Variants in CACNG3 observed in about 807,000 individuals in gnomAD.
CACNG3 encodes voltage-dependent calcium channel gamma-3 subunit.
Under a neutral mutation model 28.5 loss-of-function variants are expected in CACNG3, and 3 were observed. That is an observed-to-expected ratio of 0.11 (90% CI 0.05 to 0.27). CACNG3 has a LOEUF of 0.27. Among genes scored for constraint, CACNG3 ranks in the 10% least tolerant of loss-of-function variants. The pLI is 1.00. For missense variants in CACNG3, 236 were observed against 414.4 expected (o/e 0.57, Z 3.74); for synonymous variants, 174 against 162.2 (o/e 1.07, Z -0.55).
intron 1 of CACNG3, among the ~76,000 whole-genome samples, chr16:24,267,700 C>T (rs139547098): frequency 1.8e-4 from 28 of 152,000 alleles, no homozygotes; most frequent in African/African-American, 5.5e-4. Flanking sequence ...GGCAGAGTCT[C>T]GCTCTGTTGC....
intron 1 of CACNG3, among the ~76,000 whole-genome samples, chr16:24,264,986 C>T (rs931838653): frequency 6.6e-6 from 1 of 152,184 alleles, no homozygotes; most frequent in Non-Finnish European, 1.5e-5. Context: ...CATCTGTAAT[C>T]CCAGCACTTT....
intron 1 of CACNG3, among the ~76,000 whole-genome samples, chr16:24,290,178 T>A (rs1898948150): frequency 6.6e-6 from 1 of 152,254 alleles, no homozygotes; most frequent in Non-Finnish European, 1.5e-5. Context: ...CTTTTATTTA[T>A]TTGTTTTTTT....
At chr16:24,280,542 G>A (rs553041892) in intron 1 of CACNG3, among the ~76,000 whole-genome samples, 27 of 152,246 alleles carry the variant, frequency 1.8e-4, no homozygotes, top group Non-Finnish European at 3.2e-4. Flanking sequence ...CCAGCCAGGC[G>A]CAGTGGCTCA....
At chr16:24,335,689 G>C (rs1371585544) in intron 1 of CACNG3, among the ~76,000 whole-genome samples, 1 of 152,130 alleles carries the variant, frequency 6.6e-6, no homozygotes, top group Non-Finnish European at 1.5e-5. Context: ...AATAGTGCCT[G>C]CTTCATGGGA....
At chr16:24,258,578 T>C (rs1460167801) in intron 1 of CACNG3, among the ~76,000 whole-genome samples, 2 of 152,212 alleles carry the variant, frequency 1.3e-5, no homozygotes, top group Non-Finnish European at 2.9e-5. Context: ...TCCTAAACAA[T>C]GACAAAAGTT....
At chr16:24,346,842 T>C in intron 2 of CACNG3, 25 bp downstream of exon 2, 1 of 1,589,970 alleles carries the variant, frequency 6.3e-7, no homozygotes, top group Non-Finnish European at 8.6e-7. Context: ...TTCTCGGGTC[T>C]CTCTGGGAGG....
intron 2 of CACNG3, among the ~76,000 whole-genome samples, chr16:24,350,362 T>C (rs1387560023): frequency 3.9e-5 from 6 of 151,990 alleles, no homozygotes. Flanking sequence ...TCATTCAGGC[T>C]GGAGTACAGT....
chr16:24,323,239 A>AAGAG lies in CACNG3; in HGVS notation c.212-23485_212-23482dup, dbSNP rs35498529. On this transcript the variant is annotated intron_variant, in intron 1 of 3. Transcript: ENST00000005284. ...GGACTCAAAAAAAAAAAAAAAAAAAAAGAGAGAGAGAGAAAGAGAGAGATG... is the reference window on the plus strand; with the variant it reads ...GGACTCAAAAAAAAAAAAAAAAAAAAAGAGAGAGAGAGAGAGAAAGAGAGAGATG... Among the ~76,000 whole-genome samples the AAGAG allele has an allele frequency of 4.5e-4, 65 of 143,072 alleles. 1 individual carries two copies. Among genetic ancestry groups the AAGAG allele is most frequent in the East Asian group, 8.2e-4 (4 of 4,850 alleles). 93.9% of individuals were successfully genotyped at this position (143,072 alleles called of 152,430 possible).
At chr16:24,344,928 C>T (rs536004704) in intron 1 of CACNG3, among the ~76,000 whole-genome samples, 16 of 152,216 alleles carry the variant, frequency 1.1e-4, no homozygotes, top group African/African-American at 3.1e-4. Flanking sequence ...AAATCAATTC[C>T]GTCACTCACC....
At chr16:24,262,044 C>G (rs555116479) in intron 1 of CACNG3, among the ~76,000 whole-genome samples, 1 of 152,268 alleles carries the variant, frequency 6.6e-6, no homozygotes, top group African/African-American at 2.4e-5. Flanking sequence ...TCTCCTGTCT[C>G]CGCCCAAGTA....
intron 1 of CACNG3, among the ~76,000 whole-genome samples, chr16:24,317,598 G>GAAATAAAGGA (rs1899376433): frequency 6.6e-5 from 4 of 61,044 alleles, no homozygotes; most frequent in African/African-American, 3.1e-4. Context: ...AAGAAAGAAA[G>GAAATAAAGGA]AAAGAAAGAA....
chr16:24,300,788 C>T (rs1427788766), intron 1 of CACNG3, among the ~76,000 whole-genome samples: 3 of 151,942 alleles, frequency 2.0e-5, no homozygotes, highest in African/African-American at 7.3e-5. Context: ...GGCCAGTGGA[C>T]CACGCCTGTA....
At chr16:24,303,114 A>G (rs1195012199) in intron 1 of CACNG3, among the ~76,000 whole-genome samples, 2 of 151,986 alleles carry the variant, frequency 1.3e-5, no homozygotes, top group African/African-American at 2.4e-5. Context: ...TAACGCTCCC[A>G]TGGTGATTGT....
At chr16:24,277,028 C>T (rs1232462048) in intron 1 of CACNG3, among the ~76,000 whole-genome samples, 2 of 152,162 alleles carry the variant, frequency 1.3e-5, no homozygotes, top group Non-Finnish European at 2.9e-5. Context: ...TTTATCTTGG[C>T]CAGTGCCAGG....
In CACNG3 at chr16:24,262,213, T is replaced by C. The variant is rs1185635834; in HGVS notation, c.211+5248T>C. On this transcript the variant is annotated intron_variant, in intron 1 of 3. Coordinates refer to ENST00000005284, the MANE Select transcript of CACNG3 (RefSeq NM_006539.4). ...GGGTTCAGAATGTGCTGGAGTTCTCTTACTCTCTTCCCTACTCCTGACCTT... is the reference window on the plus strand; with the variant it reads ...GGGTTCAGAATGTGCTGGAGTTCTCCTACTCTCTTCCCTACTCCTGACCTT... Among the ~76,000 whole-genome samples the C allele has an allele frequency of 3.9e-5, 6 of 152,162 alleles. No homozygotes were observed. In the South Asian group the frequency reaches 1.2e-3, roughly 32 times the overall value.
At chr16:24,262,001 T>A (rs1898543366) in intron 1 of CACNG3, among the ~76,000 whole-genome samples, 1 of 152,140 alleles carries the variant, frequency 6.6e-6, no homozygotes. Context: ...CTGTGCTAGG[T>A]GCTTTTGTAC....
At chr16:24,279,475 A>T (rs2141350519) in intron 1 of CACNG3, among the ~76,000 whole-genome samples, 1 of 151,804 alleles carries the variant, frequency 6.6e-6, no homozygotes, top group Non-Finnish European at 1.5e-5. Context: ...GTTTATTATT[A>T]TTATTATTTT....
intron 2 of CACNG3, among the ~76,000 whole-genome samples, chr16:24,353,245 G>A (rs909588254): frequency 8.5e-5 from 13 of 152,200 alleles, no homozygotes; most frequent in Admixed American, 6.5e-4. Flanking sequence ...AAAGTGTTGG[G>A]ATTACAGGCT....
At chr16:24,312,920 G>GAAGGAAGGAAGAAAGA (rs1405298888) in intron 1 of CACNG3, among the ~76,000 whole-genome samples, 2 of 122,032 alleles carry the variant, frequency 1.6e-5, no homozygotes, top group Admixed American at 1.8e-4. Context: ...AGGAAGGAAG[G>GAAGGAAGGAAGAAAGA]AAGAAAGAAA....
Sources: gnomAD v4.1 joint callset for allele counts (sites outside exome capture counted in the v4.1 genomes callset) on GRCh38, gnomAD v4.1.1 for gene constraint, MANE v1.5 for transcripts, NCBI Gene and HGNC (gene_info 2026-07-23, HGNC 2026-07-21) for gene names.